Variants in SMAD3 observed in about 807,000 individuals in gnomAD.
The protein encoded by SMAD3 is MAD homolog 3.
A neutral mutation model predicts 51.8 loss-of-function variants in SMAD3; 12 were observed. The observed-to-expected ratio is 0.23, with a 90% CI of 0.15 to 0.38. The LOEUF is 0.38. Among genes scored for constraint, SMAD3 ranks in the 10% least tolerant of loss-of-function variants. SMAD3 has a pLI of 1.00. For missense variants in SMAD3, 294 were observed against 565.6 expected, an observed-to-expected ratio of 0.52 and a Z score of 4.87; for synonymous variants, 238 against 227.7, an observed-to-expected ratio of 1.05 and a Z score of -0.41.
chr15:67,070,371 GA>G (rs1239084410), intron 1 of SMAD3, among the ~76,000 whole-genome samples: 1 of 152,116 alleles, frequency 6.6e-6, no homozygotes, highest in African/African-American at 2.4e-5. Context: ...GGCGCCACTT[GA>G]CGTTCCCTGG....
intron 1 of SMAD3, among the ~76,000 whole-genome samples, chr15:67,121,664 A>G (rs1961266689): frequency 6.6e-6 from 1 of 152,144 alleles, no homozygotes; most frequent in Non-Finnish European, 1.5e-5. Context: ...TAGTCTATAC[A>G]CCGAGAGAAT....
At chr15:67,147,527 C>T (rs1303188255) in intron 1 of SMAD3, among the ~76,000 whole-genome samples, 1 of 152,146 alleles carries the variant, frequency 6.6e-6, no homozygotes, top group African/African-American at 2.4e-5. Flanking sequence ...CCAGTTTCCT[C>T]ACGTGTTCAG....
At chr15:67,164,752 G>A (rs1182370690) in intron 1 of SMAD3, 143 bp from the exon 2 acceptor site, 21 of 882,520 alleles carry the variant, frequency 2.4e-5, no homozygotes, top group Non-Finnish European at 3.8e-5. Context: ...AGCTAGCAGT[G>A]CTCTGATCTC....
At chr15:67,189,261 C>T (rs940210802) in intron 8 of SMAD3, among the ~76,000 whole-genome samples, 1 of 152,192 alleles carries the variant, frequency 6.6e-6, no homozygotes, top group East Asian at 1.9e-4. Flanking sequence ...CAGGTACCCT[C>T]GCTCGTGCAG....
In SMAD3 at chr15:67,194,642, C is replaced by T. The variant is rs1262656799; in HGVS notation, c.*4106C>T. On this transcript the variant is annotated 3_prime_UTR_variant, in exon 9 of 9. Transcript: ENST00000327367. Reference sequence around the variant, plus strand: ...AGGTCTCTCCTCCCAAGGACAGTGGCTGGAAGAGTTGGGGCACAGCCAGTT... The same window carrying T: ...AGGTCTCTCCTCCCAAGGACAGTGGTTGGAAGAGTTGGGGCACAGCCAGTT... 1.3e-5 allele frequency: 3 copies of T among 231,782 alleles called. No homozygotes were observed. Among genetic ancestry groups the T allele is most frequent in the Admixed American group, 5.6e-5 (1 of 17,712 alleles). 14.4% of individuals were successfully genotyped at this position (231,782 alleles called of 1,614,324 possible).
At chr15:67,096,810 G>A (rs1181494032) in intron 1 of SMAD3, among the ~76,000 whole-genome samples, 10 of 152,142 alleles carry the variant, frequency 6.6e-5, no homozygotes, top group African/African-American at 2.2e-4. Flanking sequence ...CCTGGGTTGC[G>A]GAGCTAAGAA....
At chr15:67,137,572 T>C (rs557812369) in intron 1 of SMAD3, among the ~76,000 whole-genome samples, 1 of 152,352 alleles carries the variant, frequency 6.6e-6, no homozygotes, top group East Asian at 1.9e-4. Flanking sequence ...TCTGCAGTTT[T>C]AGTTGCTTTC....
At chr15:67,072,124 T>C (rs1960067810) in intron 1 of SMAD3, among the ~76,000 whole-genome samples, 1 of 152,238 alleles carries the variant, frequency 6.6e-6, no homozygotes, top group African/African-American at 2.4e-5. Flanking sequence ...ACATCAGGAA[T>C]CCAACTAAAT....
At chr15:67,126,509 A>G (rs1961391766) in intron 1 of SMAD3, among the ~76,000 whole-genome samples, 2 of 152,186 alleles carry the variant, frequency 1.3e-5, no homozygotes, top group Admixed American at 1.3e-4. Context: ...CTTCATGTTC[A>G]GGTGGCCCAG....
chr15:67,116,149 T>C (rs60428975), intron 1 of SMAD3, among the ~76,000 whole-genome samples: 22,566 of 152,236 alleles, frequency 0.15, 1,771 homozygotes, highest in African/African-American at 0.19. Context: ...TTGTGCATCC[T>C]TGGGTGATGG....
At chr15:67,187,940 A>G (rs1330826425) in intron 8 of SMAD3, among the ~76,000 whole-genome samples, 1 of 152,058 alleles carries the variant, frequency 6.6e-6, no homozygotes, top group Non-Finnish European at 1.5e-5. Flanking sequence ...GACCCTCTTC[A>G]GGAAGTTAGG....
intron 1 of SMAD3, among the ~76,000 whole-genome samples, chr15:67,120,872 T>A (rs1426181629): frequency 1.3e-5 from 2 of 152,212 alleles, no homozygotes; most frequent in African/African-American, 4.8e-5. Context: ...TTTGCGATTA[T>A]TTTTTAGCTC....
At chr15:67,188,851 T>G (rs1414491155) in intron 8 of SMAD3, among the ~76,000 whole-genome samples, 1 of 152,252 alleles carries the variant, frequency 6.6e-6, no homozygotes, top group Non-Finnish European at 1.5e-5. Context: ...ATTAGAGGAT[T>G]TCATCCTGTA....
rs536804285 is a variant in SMAD3, at chr15:67,141,429, T to C, written c.207-23466T>C. ...TGGGAGGAACTTCAGTGGGGGAATG[T>C]TGGGGAAAGACCTGGGTCCGATTCT... On this transcript the variant is annotated intron_variant, in intron 1 of 8. Transcript: ENST00000327367. Among the ~76,000 whole-genome samples the C allele has an allele frequency of 1.5e-4, 23 of 152,244 alleles. No homozygotes were observed. The South Asian group carries it at 4.4e-3, about 29-fold the overall frequency.
rs537123884 is a variant in SMAD3 at position 67,161,452 on chromosome 15, C to T, written c.207-3443C>T. ...TTACCTCCACAGCCCCATTCTCCCCCGCTGCTGGCATGAGCTTTTCTCCAA... is the reference window on the plus strand; with the variant it reads ...TTACCTCCACAGCCCCATTCTCCCCTGCTGCTGGCATGAGCTTTTCTCCAA... On this transcript the variant is annotated intron_variant, in intron 1 of 8. Coordinates refer to ENST00000327367, the MANE Select transcript of SMAD3 (RefSeq NM_005902.4). 4.4e-4 allele frequency among the ~76,000 whole-genome samples: 67 copies of T among 152,356 alleles called. 1 individual carries two copies. Among genetic ancestry groups the T allele is most frequent in the Middle Eastern group, 3.4e-3 (1 of 294 alleles).
chr15:67,139,872 A>T (rs1442185272), intron 1 of SMAD3, among the ~76,000 whole-genome samples: 1 of 151,908 alleles, frequency 6.6e-6, no homozygotes, highest in East Asian at 1.9e-4. Flanking sequence ...TAATCCCAGC[A>T]CTTTGGGAGG....
intron 1 of SMAD3, among the ~76,000 whole-genome samples, chr15:67,106,117 C>G (rs1449059448): frequency 4.6e-5 from 7 of 152,162 alleles, no homozygotes; most frequent in Non-Finnish European, 1.0e-4. Flanking sequence ...CAGGATGTTT[C>G]TGGCCCCGTC....
intron 1 of SMAD3, chr15:67,099,045 TC>T (rs764757920): frequency 4.8e-5 from 27 of 566,946 alleles, no homozygotes; most frequent in South Asian, 4.0e-4. Context: ...ATGATAATTC[TC>T]CTTTCTGTGG....
At chr15:67,103,365 C>T (rs1349401253) in intron 1 of SMAD3, among the ~76,000 whole-genome samples, 2 of 152,186 alleles carry the variant, frequency 1.3e-5, no homozygotes, top group Non-Finnish European at 2.9e-5. Flanking sequence ...CCCACCTTGA[C>T]TGTATTGAAG....
Sources: allele counts gnomAD v4.1 joint callset (sites outside exome capture counted in the v4.1 genomes callset), GRCh38; gene constraint gnomAD v4.1.1; transcripts MANE v1.5; gene names NCBI Gene and HGNC (gene_info 2026-07-23, HGNC 2026-07-21).